IGF1R: variants seen among roughly 807,000 people sequenced by gnomAD.
The protein encoded by IGF1R is insulin-like growth factor 1 receptor.
Under a neutral mutation model 144.6 loss-of-function variants are expected in IGF1R, and 44 were observed. The ratio of observed to expected loss-of-function variants is 0.30; its 90% CI spans 0.24 to 0.39. The LOEUF (loss-of-function observed/expected upper bound fraction) is 0.39. Ranked by LOEUF, IGF1R falls within the 10% of genes least tolerant of loss-of-function variation. The pLI is 1.00. For missense variants in IGF1R, 1,355 were observed against 1,833.7 expected (o/e 0.74, Z 4.77); for synonymous variants, 795 against 722.8 (o/e 1.10, Z -1.60).
chr15:98,671,059 T>A (rs2052877689), intron 1 of IGF1R, among the ~76,000 whole-genome samples: 1 of 152,198 alleles, frequency 6.6e-6, no homozygotes, highest in African/African-American at 2.4e-5. Context: ...TGTGCGGGCA[T>A]TTGTTTGGTG....
chr15:98,957,548 G>A lies in IGF1R; in HGVS notation c.*106G>A. 3.4e-6 allele frequency: 5 copies of A among 1,454,124 alleles called. No individual in the cohort carries two copies. In the South Asian group the frequency reaches 5.8e-5, roughly 17 times the overall value. The allele number at this position is 1,454,124 out of a possible 1,614,324, so 90.1% of individuals were successfully genotyped here. Reference sequence around the variant, plus strand: ...CCATTCACAAGCCTCCTGTACCTCAGTGGATCTTCAGAACTGCCCTTGCTG... The same window carrying A: ...CCATTCACAAGCCTCCTGTACCTCAATGGATCTTCAGAACTGCCCTTGCTG... On this transcript the variant is annotated 3_prime_UTR_variant, in exon 21 of 21. Coordinates refer to ENST00000650285, the MANE Select transcript of IGF1R (RefSeq NM_000875.5).
rs1444733004 is a variant in IGF1R, at chr15:98,957,521, A to G, written c.*79A>G. The G allele has an allele frequency of 2.7e-5, 42 of 1,573,774 alleles. No homozygotes were observed. Among genetic ancestry groups the G allele is most frequent in the Middle Eastern group, 2.3e-4 (1 of 4,438 alleles). On this transcript the variant is annotated 3_prime_UTR_variant, in exon 21 of 21. Coordinates refer to ENST00000650285, the MANE Select transcript of IGF1R (RefSeq NM_000875.5). ...TGGGGGGGGAGAGAGAGTTTTAACAATCCATTCACAAGCCTCCTGTACCTC... is the reference window on the plus strand; with the variant it reads ...TGGGGGGGGAGAGAGAGTTTTAACAGTCCATTCACAAGCCTCCTGTACCTC...
chr15:98,839,422 ATATATGCT>A (rs1555451361), intron 2 of IGF1R, among the ~76,000 whole-genome samples: 1 of 152,090 alleles, frequency 6.6e-6, no homozygotes, highest in Non-Finnish European at 1.5e-5. Flanking sequence ...TCCCAGCCAC[ATATATGCT>A]CACACTGGGT....
chr15:98,903,612 C>T (rs11632204), intron 5 of IGF1R, among the ~76,000 whole-genome samples: 38 of 152,294 alleles, frequency 2.5e-4, no homozygotes, highest in Non-Finnish European at 4.9e-4. Flanking sequence ...AATAGCCTCC[C>T]GGGATTCCCC....
chr15:98,852,470 G>C (rs1271707212), intron 2 of IGF1R, among the ~76,000 whole-genome samples: 2 of 152,232 alleles, frequency 1.3e-5, no homozygotes, highest in African/African-American at 4.8e-5. Flanking sequence ...ACCTTTCCGC[G>C]GGGCCCGGGC....
At chr15:98,763,638 T>C (rs1275172270) in intron 2 of IGF1R, among the ~76,000 whole-genome samples, 1 of 152,146 alleles carries the variant, frequency 6.6e-6, no homozygotes, top group Non-Finnish European at 1.5e-5. Context: ...GCCTAAGGGT[T>C]TTGATCTCAT....
intron 20 of IGF1R, among the ~76,000 whole-genome samples, chr15:98,956,109 C>T (rs539719063): frequency 9.4e-4 from 143 of 152,338 alleles, no homozygotes; most frequent in African/African-American, 3.4e-3. Flanking sequence ...CCGGGCCTTT[C>T]CTGGGTCAGG....
intron 2 of IGF1R, among the ~76,000 whole-genome samples, chr15:98,720,083 G>C (rs2141279309): frequency 6.6e-6 from 1 of 152,292 alleles, no homozygotes; most frequent in Middle Eastern, 3.4e-3. Flanking sequence ...AAAGCGTGAA[G>C]CATGGACTTT....
chr15:98,921,005 T>TGCC (rs1186040295), intron 10 of IGF1R, among the ~76,000 whole-genome samples: 2 of 152,340 alleles, frequency 1.3e-5, no homozygotes, highest in Non-Finnish European at 2.9e-5. Context: ...CTGCTGCTGC[T>TGCC]GCCGCGCTCT....
chr15:98,948,534 A>C (rs766862177), intron 19 of IGF1R, 40 bp from the exon 20 acceptor site: 2 of 1,608,916 alleles, frequency 1.2e-6, no homozygotes, highest in Non-Finnish European at 1.7e-6. Context: ...TGTTCAGTCC[A>C]TCCCTTTCCA....
chr15:98,939,512 T>C, intron 18 of IGF1R, 152 bp downstream of exon 18: 1 of 805,060 alleles, frequency 1.2e-6, no homozygotes, highest in Non-Finnish European at 2.1e-6. Context: ...CTCCAGTTGA[T>C]GGTCACAAAC....
chr15:98,891,288 G>A lies in IGF1R; in HGVS notation c.641-37G>A, dbSNP rs201754464. The A allele has an allele frequency of 5.0e-5, 79 of 1,595,872 alleles. No individual in the cohort carries two copies. In the African/African-American group the frequency reaches 7.1e-4, roughly 14 times the overall value. ...GCCCAGAGAAGGCGGTGCCTCCCCT[G>A]CCCGGTCTCATCTCCGTCTCTCCTC... On this transcript the variant is annotated intron_variant, in intron 2 of 20. Transcript: ENST00000650285. This position sits in a 1 kb window ranked among gnomAD's most constrained non-coding sequence, Gnocchi z 4.7.
At position 98,912,702 on chromosome 15, in the gene IGF1R, T is replaced by C. The variant is rs45535738; in HGVS notation, c.1590-342T>C. 6.6e-5 allele frequency among the ~76,000 whole-genome samples: 10 copies of C among 152,192 alleles called. No homozygotes were observed. In the South Asian group the frequency reaches 8.3e-4, roughly 13 times the overall value. ...AGTTACCTTCTTTCAATATCTGATA[T>C]TTGCATTAACTGACTATGCTTGTTT... On this transcript the variant is annotated intron_variant, in intron 7 of 20. Transcript: ENST00000650285.
intron 20 of IGF1R, among the ~76,000 whole-genome samples, chr15:98,950,764 C>T (rs1409299392): frequency 6.6e-6 from 1 of 152,148 alleles, no homozygotes; most frequent in Non-Finnish European, 1.5e-5. Context: ...CTCTCATGTT[C>T]ACAAGTCCCA....
At chr15:98,681,776 C>A (rs1340263981) in intron 1 of IGF1R, among the ~76,000 whole-genome samples, 1 of 152,194 alleles carries the variant, frequency 6.6e-6, no homozygotes, top group Non-Finnish European at 1.5e-5. Flanking sequence ...CTGTTAATAT[C>A]TCTGCTTTAG....
At chr15:98,752,464 A>T (rs1007457802) in intron 2 of IGF1R, among the ~76,000 whole-genome samples, 1 of 152,184 alleles carries the variant, frequency 6.6e-6, no homozygotes, top group Admixed American at 6.5e-5. Flanking sequence ...CGGGTGGATC[A>T]CAAGGCCAGG....
chr15:98,744,617 G>A (rs2054821603), intron 2 of IGF1R, among the ~76,000 whole-genome samples: 1 of 152,140 alleles, frequency 6.6e-6, no homozygotes, highest in African/African-American at 2.4e-5. Context: ...AGAGGGAAGG[G>A]TGGATCCATG....
intron 2 of IGF1R, among the ~76,000 whole-genome samples, chr15:98,795,840 T>G (rs1163220127): frequency 6.6e-6 from 1 of 152,252 alleles, no homozygotes; most frequent in African/African-American, 2.4e-5. Flanking sequence ...CAGATATTTG[T>G]GGGTGGTCCC....
chr15:98,938,894 G>C (rs930876732), intron 17 of IGF1R, among the ~76,000 whole-genome samples: 2 of 152,090 alleles, frequency 1.3e-5, no homozygotes, highest in African/African-American at 4.8e-5. Flanking sequence ...ACCAAAAATG[G>C]CTTGTTTCAC....
Sources: gnomAD v4.1 joint callset for allele counts (sites outside exome capture counted in the v4.1 genomes callset) on GRCh38, gnomAD v4.1.1 for gene constraint, Gnocchi (gnomAD v3.1) non-coding constraint, MANE v1.5 for transcripts, NCBI Gene and HGNC (gene_info 2026-07-23, HGNC 2026-07-21) for gene names.